The following SPCS2 variants were observed in gnomAD, a reference collection of about 807,000 sequenced individuals.
The protein encoded by SPCS2 is signal peptidase complex subunit 2.
A neutral mutation model predicts 22.3 loss-of-function variants in SPCS2; 3 were observed. That is an observed-to-expected ratio of 0.13 (90% CI 0.06 to 0.35). SPCS2 has a LOEUF of 0.35. Ranked by LOEUF, SPCS2 falls within the 10% of genes least tolerant of loss-of-function variation. The pLI is 1.00. For synonymous variants in SPCS2, 67 were observed against 97.2 expected, an observed-to-expected ratio of 0.69 and a Z score of 1.83; for missense variants, 169 against 280.9, an observed-to-expected ratio of 0.60 and a Z score of 2.85.
intron 4 of SPCS2, among the ~76,000 whole-genome samples, chr11:74,970,953 G>A (rs914419242): frequency 6.6e-6 from 1 of 151,924 alleles, no homozygotes; most frequent in African/African-American, 2.4e-5. Flanking sequence ...CATTATCACA[G>A]TCAATTTTAG....
intron 1 of SPCS2, among the ~76,000 whole-genome samples, chr11:74,950,521 T>G (rs1795397194): frequency 6.6e-6 from 1 of 152,226 alleles, no homozygotes; most frequent in Non-Finnish European, 1.5e-5. Context: ...ACTTGTCTTT[T>G]TGAGTGTCAT....
intron 3 of SPCS2, 116 bp downstream of exon 3, chr11:74,966,039 T>A (rs1565486736): frequency 1.1e-6 from 1 of 928,910 alleles, no homozygotes. Context: ...AATGTTAGAA[T>A]TCAACATTTT....
intron 2 of SPCS2, 38 bp from the exon 3 acceptor site, chr11:74,965,725 G>T: frequency 6.5e-7 from 1 of 1,542,694 alleles, no homozygotes; most frequent in Non-Finnish European, 8.9e-7. Context: ...TGGGGAGGAA[G>T]TATTCCTATT....
chr11:74,953,217 AT>A (rs11344190), intron 1 of SPCS2, among the ~76,000 whole-genome samples: 6,233 of 143,152 alleles, frequency 0.044, 173 homozygotes, highest in African/African-American at 0.092. Flanking sequence ...CTTTAATATA[AT>A]TTTTTTTTTT....
intron 2 of SPCS2, 64 bp downstream of exon 2, chr11:74,965,181 C>A: frequency 1.8e-6 from 2 of 1,127,818 alleles, no homozygotes; most frequent in South Asian, 1.5e-5. Context: ...CCTGGGAAAT[C>A]TTTTCCTTTT....
At chr11:74,953,340 G>A (rs1457152642) in intron 1 of SPCS2, among the ~76,000 whole-genome samples, 2 of 151,778 alleles carry the variant, frequency 1.3e-5, no homozygotes, top group African/African-American at 4.8e-5. Context: ...TTACAGGCAT[G>A]TGCCTCCATA....
intron 1 of SPCS2, among the ~76,000 whole-genome samples, chr11:74,954,541 T>A (rs999910815): frequency 2.6e-5 from 4 of 152,238 alleles, no homozygotes; most frequent in African/African-American, 9.6e-5. Flanking sequence ...CTGGAAGATA[T>A]CTTAGCTTGT....
chr11:74,951,024 C>T (rs184254279), intron 1 of SPCS2, among the ~76,000 whole-genome samples: 12 of 152,298 alleles, frequency 7.9e-5, no homozygotes, highest in Admixed American at 4.6e-4. Context: ...TCTTGCTCTT[C>T]CTTGCACTTG....
chr11:74,964,730 A>T (rs1331594160), intron 1 of SPCS2, among the ~76,000 whole-genome samples: 1 of 152,150 alleles, frequency 6.6e-6, no homozygotes, highest in Non-Finnish European at 1.5e-5. Context: ...GGTTGTTTTT[A>T]TATTCTCTGC....
At chr11:74,974,685 G>T (rs529610054) in intron 4 of SPCS2, among the ~76,000 whole-genome samples, 1 of 152,228 alleles carries the variant, frequency 6.6e-6, no homozygotes, top group African/African-American at 2.4e-5. Context: ...CGCGATCTCG[G>T]CTCGCTGCAA....
rs762250784 is a variant in SPCS2, at chr11:74,978,448, A to G, written c.*1405A>G. ...TGAGCTTCTTAAAGTTTTTGAAAGC[A>G]TGTAACCGGATAAGTGTATTTTTAC... On this transcript the variant is annotated 3_prime_UTR_variant, in exon 5 of 5. Coordinates refer to ENST00000263672, the MANE Select transcript of SPCS2 (RefSeq NM_014752.3). 2.0e-5 allele frequency: 3 copies of G among 152,224 alleles called. No individual in the cohort carries two copies. Among genetic ancestry groups the G allele is most frequent in the Non-Finnish European group, 4.4e-5 (3 of 68,036 alleles). 9.4% of individuals were successfully genotyped at this position (152,224 alleles called of 1,614,324 possible).
At chr11:74,951,466 C>T (rs750697281) in intron 1 of SPCS2, among the ~76,000 whole-genome samples, 18 of 151,946 alleles carry the variant, frequency 1.2e-4, no homozygotes, top group Admixed American at 3.9e-4. Flanking sequence ...GTACTTGTTA[C>T]GGAAGTTCAA....
At chr11:74,960,727 G>A (rs909699905) in intron 1 of SPCS2, among the ~76,000 whole-genome samples, 2 of 152,030 alleles carry the variant, frequency 1.3e-5, no homozygotes, top group Admixed American at 6.5e-5. Context: ...CCTTTGGCAG[G>A]TTTTTTAAAC....
intron 1 of SPCS2, among the ~76,000 whole-genome samples, chr11:74,952,890 C>T (rs545687672): frequency 5.9e-5 from 9 of 152,214 alleles, no homozygotes; most frequent in Non-Finnish European, 8.8e-5. Flanking sequence ...TTACACTGCA[C>T]ATGGGAATTA....
At chr11:74,966,990 A>C (rs897021620) in intron 3 of SPCS2, among the ~76,000 whole-genome samples, 1 of 152,194 alleles carries the variant, frequency 6.6e-6, no homozygotes, top group African/African-American at 2.4e-5. Context: ...TCCTGGGCCC[A>C]AGCAATCCTC....
intron 1 of SPCS2, among the ~76,000 whole-genome samples, chr11:74,961,189 G>A (rs528671186): frequency 6.6e-6 from 1 of 152,278 alleles, no homozygotes; most frequent in Non-Finnish European, 1.5e-5. Flanking sequence ...AATAGCAACA[G>A]CAATAGCTAA....
At chr11:74,974,950 C>CT (rs1437700956) in intron 4 of SPCS2, among the ~76,000 whole-genome samples, 1 of 152,120 alleles carries the variant, frequency 6.6e-6, no homozygotes, top group Non-Finnish European at 1.5e-5. Flanking sequence ...CTGCAGCCCT[C>CT]TCTCCACCCA....
In SPCS2 at chr11:74,965,938, T is replaced by C. The variant is rs2140218364; in HGVS notation, c.359+15T>C. 1 of 1,584,406 alleles carries C rather than the reference T, an allele frequency of 6.3e-7. No homozygotes were observed. Among genetic ancestry groups the C allele is most frequent in the Non-Finnish European group, 8.6e-7 (1 of 1,168,010 alleles). On this transcript the variant is annotated intron_variant, in intron 3 of 4. Coordinates refer to ENST00000263672, the MANE Select transcript of SPCS2 (RefSeq NM_014752.3). ...TGTGTCATATCATATCCTTTATTTATGCTCAGGTTGTTTTCTAGTGACTAT... is the reference window on the plus strand; with the variant it reads ...TGTGTCATATCATATCCTTTATTTACGCTCAGGTTGTTTTCTAGTGACTAT...
intron 3 of SPCS2, 108 bp downstream of exon 3, chr11:74,966,031 T>C: frequency 9.9e-7 from 1 of 1,015,022 alleles, no homozygotes; most frequent in Non-Finnish European, 1.5e-6. Context: ...GGCTTGCTAA[T>C]GTTAGAATTC....
Sources: allele counts gnomAD v4.1 joint callset (sites outside exome capture counted in the v4.1 genomes callset), GRCh38; gene constraint gnomAD v4.1.1; transcripts MANE v1.5; gene names NCBI Gene and HGNC (gene_info 2026-07-23, HGNC 2026-07-21).